Variants in SYNE2 observed in about 807,000 individuals in gnomAD.
The protein encoded by SYNE2 is nesprin-2.
Under a neutral mutation model 856.3 loss-of-function variants are expected in SYNE2, and 431 were observed. The ratio of observed to expected loss-of-function variants is 0.50; its 90% CI spans 0.47 to 0.55. The LOEUF is 0.55. Ranked by LOEUF, SYNE2 falls within the 20% of genes least tolerant of loss-of-function variation. SYNE2 has a pLI of 0.00. For synonymous variants in SYNE2, 2,923 were observed against 2,872.3 expected, an observed-to-expected ratio of 1.02 and a Z score of -0.56; for missense variants, 8,129 against 8,023.2, an observed-to-expected ratio of 1.01 and a Z score of -0.50.
chr14:64,028,470 G>T (rs1045101727), intron 43 of SYNE2, among the ~76,000 whole-genome samples: 4 of 151,936 alleles, frequency 2.6e-5, no homozygotes, highest in Non-Finnish European at 4.4e-5. Flanking sequence ...GCCCAAGCTG[G>T]TCTAGACCTC....
intron 9 of SYNE2, among the ~76,000 whole-genome samples, chr14:63,962,908 T>C (rs1319500735): frequency 6.6e-6 from 1 of 152,234 alleles, no homozygotes; most frequent in Non-Finnish European, 1.5e-5. Flanking sequence ...TTACACAAAA[T>C]ATTGTGGGTA....
chr14:63,826,084 G>A (rs1889419004), intron 1 of SYNE2, among the ~76,000 whole-genome samples: 1 of 152,046 alleles, frequency 6.6e-6, no homozygotes, highest in Non-Finnish European at 1.5e-5. Flanking sequence ...CCAGAATAGT[G>A]AAAGCAATCT....
chr14:64,094,350 AT>A (rs747573080), intron 61 of SYNE2, among the ~76,000 whole-genome samples: 74 of 152,036 alleles, frequency 4.9e-4, no homozygotes, highest in Non-Finnish European at 1.0e-3. Context: ...ATTAAAAAAA[AT>A]AAAAAATAAA....
chr14:63,852,493 C>T (rs1486213134), upstream of SYNE2, among the ~76,000 whole-genome samples: 3 of 152,184 alleles, frequency 2.0e-5, no homozygotes, highest in African/African-American at 7.2e-5. Flanking sequence ...GCCTCCCCTT[C>T]TCTCCAGGTG....
chr14:64,189,514 T>C (rs565407265), intron 98 of SYNE2, among the ~76,000 whole-genome samples: 2 of 152,318 alleles, frequency 1.3e-5, no homozygotes, highest in South Asian at 4.1e-4. Context: ...TAATTAGTTA[T>C]GCTCAGTTGT....
rs2097998584 is a variant in SYNE2 at position 64,130,035 on chromosome 14, C to T, written c.14140-13C>T. On this transcript the variant is annotated splice_polypyrimidine_tract_variant and intron_variant, in intron 75 of 115. Transcript: ENST00000555002. The stretch of plus-strand genomic sequence containing the variant: ...ATGAAAATGCATGTGTGCACCTGCT[C>T]TTCTCTTTTCAGGATGTACTTGACA... 1 of 1,613,468 alleles carries T rather than the reference C, an allele frequency of 6.2e-7. No homozygotes were observed. The highest frequency in any genetic ancestry group is 8.5e-7 in the Non-Finnish European group (1 of 1,179,966).
At chr14:64,159,690 C>CACTTACAG (rs1443674796) in intron 87 of SYNE2, among the ~76,000 whole-genome samples, 4 of 152,144 alleles carry the variant, frequency 2.6e-5, no homozygotes, top group Non-Finnish European at 5.9e-5. Flanking sequence ...CCAGTGTACT[C>CACTTACAG]ACTTACAGAC....
intron 61 of SYNE2, among the ~76,000 whole-genome samples, chr14:64,095,933 C>G (rs2097673182): frequency 6.6e-6 from 1 of 152,096 alleles, no homozygotes; most frequent in South Asian, 2.1e-4. Flanking sequence ...TAGGTGCCCT[C>G]AGAAAAGGGC....
At chr14:63,920,776 G>A (rs1304565205) in intron 2 of SYNE2, among the ~76,000 whole-genome samples, 1 of 151,900 alleles carries the variant, frequency 6.6e-6, no homozygotes, top group East Asian at 1.9e-4. Context: ...AGGGCTTTTT[G>A]ATTGACTTGG....
At position 64,000,690 on chromosome 14, in the gene SYNE2, AAG is replaced by A; in HGVS notation, c.3614_3615del (p.Glu1205AlafsTer6). On this transcript the variant is annotated frameshift_variant, in exon 28 of 116. Transcript: ENST00000555002. LOFTEE classifies it high-confidence loss of function. ...AAAGAGACACACTAAAGGAAAGAGA[AAG>A]AGAGCTTCAGATGACTCTTAATACC... The part of the protein sequence containing the change: ...KERDTLKERE[R>X]ELQMTLNTRM... 1.2e-6 allele frequency: 2 copies of A among 1,613,280 alleles called. No individual in the cohort carries two copies. Among genetic ancestry groups the A allele is most frequent in the Non-Finnish European group, 1.7e-6 (2 of 1,179,676 alleles).
At chr14:63,874,407 G>A (rs1404473071) in intron 1 of SYNE2, among the ~76,000 whole-genome samples, 1 of 152,080 alleles carries the variant, frequency 6.6e-6, no homozygotes, top group East Asian at 1.9e-4. Flanking sequence ...TCCTGGCTCT[G>A]CAGGCCTCTT....
intron 84 of SYNE2, among the ~76,000 whole-genome samples, chr14:64,151,226 A>G (rs987550478): frequency 4.0e-5 from 6 of 151,884 alleles, no homozygotes; most frequent in African/African-American, 1.5e-4. Flanking sequence ...TCCACCTTCC[A>G]AGAGTGACCT....
At chr14:64,166,073 T>C (rs192550159) in intron 90 of SYNE2, among the ~76,000 whole-genome samples, 1 of 152,364 alleles carries the variant, frequency 6.6e-6, no homozygotes, top group East Asian at 1.9e-4. Context: ...AAGTTTAGTT[T>C]AGTAAACATA....
rs2097328604 is a variant in SYNE2, at chr14:64,062,909, C to T, written c.10212+14C>T. On this transcript the variant is annotated intron_variant, in intron 50 of 115. Transcript: ENST00000555002. ...GAACAGAGCAAGGTAATAGTATTGGCAATTAGCCAGTAAGTCTGTGTGCAA... is the reference window on the plus strand; with the variant it reads ...GAACAGAGCAAGGTAATAGTATTGGTAATTAGCCAGTAAGTCTGTGTGCAA... The T allele has an allele frequency of 1.9e-6, 3 of 1,614,022 alleles. No homozygotes were observed. The highest frequency in any genetic ancestry group is 2.7e-5 in the African/African-American group (2 of 75,046).
At chr14:63,884,545 G>A (rs1305181394) in intron 1 of SYNE2, among the ~76,000 whole-genome samples, 1 of 152,108 alleles carries the variant, frequency 6.6e-6, no homozygotes, top group Non-Finnish European at 1.5e-5. Context: ...ATTGTGGCAC[G>A]GGGTGTGTAG....
In SYNE2 at chr14:64,097,973, C is replaced by G. The variant is rs1310041267; in HGVS notation, c.12133C>G (p.Gln4045Glu). 1.2e-6 allele frequency: 2 copies of G among 1,614,070 alleles called. No individual in the cohort carries two copies. Among genetic ancestry groups the G allele is most frequent in the African/African-American group, 2.7e-5 (2 of 74,916 alleles). Residue 4045 changes from glutamine to glutamate, a missense_variant, in exon 62 of 116, where the codon CAG becomes GAG. This residue lies in a region of SYNE2 where 5,410 missense variants were observed against 5,284.8 expected (regional missense o/e 1.02). Coordinates refer to ENST00000555002, the MANE Select transcript of SYNE2 (RefSeq NM_182914.3). ...LQGEIERMEK[Q>E]ILSLNQRKED... is the part of the protein sequence containing the mutation. Reference sequence around the variant, plus strand: ...GGGAGAAATCGAACGTATGGAGAAACAGATTCTGAGTTTGAACCAGAGAAA... The same window carrying G: ...GGGAGAAATCGAACGTATGGAGAAAGAGATTCTGAGTTTGAACCAGAGAAA...
chr14:64,140,238 C>A (rs2098128991), intron 80 of SYNE2, among the ~76,000 whole-genome samples, 165 bp downstream of exon 80: 1 of 152,142 alleles, frequency 6.6e-6, no homozygotes, highest in African/African-American at 2.4e-5. Context: ...TTATACTGTT[C>A]ATTCGTTTAT....
At chr14:64,155,542 A>G (rs2098278986) in intron 85 of SYNE2, among the ~76,000 whole-genome samples, 1 of 152,030 alleles carries the variant, frequency 6.6e-6, no homozygotes, top group South Asian at 2.1e-4. Context: ...AAATAGATGA[A>G]TCGTATGGTA....
chr14:64,019,298 T>C (rs2153530481), intron 34 of SYNE2, among the ~76,000 whole-genome samples: 1 of 152,212 alleles, frequency 6.6e-6, no homozygotes, highest in East Asian at 1.9e-4. Context: ...TTTGTTCTCT[T>C]GCTAGGTCAG....
Sources: allele counts gnomAD v4.1 joint callset (sites outside exome capture counted in the v4.1 genomes callset), GRCh38; gene constraint gnomAD v4.1.1; regional missense constraint gnomAD v4.1.1; transcripts MANE v1.5; gene names NCBI Gene and HGNC (gene_info 2026-07-23, HGNC 2026-07-21).